Variants in CAMTA1 observed in about 807,000 individuals in gnomAD.
CAMTA1 encodes the protein calmodulin binding transcription activator 1.
In CAMTA1, 27 loss-of-function variants were observed where a neutral mutation model predicts 170.9. The observed-to-expected ratio is 0.16, with a 90% confidence interval of 0.12 to 0.22. The LOEUF (loss-of-function observed/expected upper bound fraction) is 0.22. Among genes scored for constraint, CAMTA1 ranks in the 10% least tolerant of loss-of-function variants. CAMTA1 has a pLI of 1.00. For missense variants in CAMTA1, 1,619 were observed against 2,217.2 expected, an observed-to-expected ratio of 0.73 and a Z score of 5.42; for synonymous variants, 833 against 891.5, an observed-to-expected ratio of 0.93 and a Z score of 1.17.
intron 6 of CAMTA1, among the ~76,000 whole-genome samples, chr1:7,590,197 A>T (rs1210123024): frequency 6.6e-6 from 1 of 152,158 alleles, no homozygotes; most frequent in Non-Finnish European, 1.5e-5. Flanking sequence ...CCTCACAATC[A>T]AGGCAGCTCT....
intron 6 of CAMTA1, among the ~76,000 whole-genome samples, chr1:7,540,917 G>T (rs2094602864): frequency 6.6e-6 from 1 of 152,230 alleles, no homozygotes; most frequent in African/African-American, 2.4e-5. Flanking sequence ...CCAACAGGAG[G>T]AGGGAAGAGG....
At chr1:7,016,445 A>T (rs1048840418) in intron 3 of CAMTA1, among the ~76,000 whole-genome samples, 1 of 152,234 alleles carries the variant, frequency 6.6e-6, no homozygotes, top group Non-Finnish European at 1.5e-5. Flanking sequence ...ATGGACCACA[A>T]TGGGTAACAG....
intron 3 of CAMTA1, among the ~76,000 whole-genome samples, chr1:6,859,782 G>A (rs1293593848): frequency 1.3e-5 from 2 of 152,032 alleles, no homozygotes; most frequent in African/African-American, 2.4e-5. Context: ...GAGTAAGTCC[G>A]TGTCTCAAAA....
rs2095247295 is a variant in CAMTA1 at position 7,580,201 on chromosome 1, T to C, written c.511-60199T>C. ...GGGAAGAGCTCCTGGCCAAGGTCTT[T>C]GTGTTCAGACCAGAAGAGGAAGGAG... is the stretch of plus-strand genomic sequence containing the variant. On this transcript the variant is annotated intron_variant, in intron 6 of 22. Transcript: ENST00000303635. The surrounding 1 kb of genome is among the most constrained non-coding windows in gnomAD (Gnocchi z 4.3). Among the ~76,000 whole-genome samples, 1 of 152,146 alleles carries C rather than the reference T, an allele frequency of 6.6e-6. No homozygotes were observed. The highest frequency in any genetic ancestry group is 1.5e-5 in the Non-Finnish European group (1 of 68,026).
chr1:7,517,231 T>A (rs1305201704), intron 6 of CAMTA1, among the ~76,000 whole-genome samples: 2 of 152,184 alleles, frequency 1.3e-5, no homozygotes, highest in Admixed American at 6.5e-5. Flanking sequence ...TAATTACTCA[T>A]CATTAATAAC....
At position 7,407,936 on chromosome 1, in the gene CAMTA1, TG is replaced by T. The variant is rs2090418454; in HGVS notation, c.439-59892del. 1.3e-5 allele frequency among the ~76,000 whole-genome samples: 2 copies of T among 152,144 alleles called. 1 individual carries two copies. Among genetic ancestry groups the T allele is most frequent in the South Asian group, 4.1e-4 (2 of 4,830 alleles). On this transcript the variant is annotated intron_variant, in intron 5 of 22. Coordinates refer to ENST00000303635, the MANE Select transcript of CAMTA1 (RefSeq NM_015215.4). ...TCAACGAAGGTTCTCCCAAGCCCAC[TG>T]GAGAGGACTTGTTTGCTTCTTAGAG...
chr1:7,034,746 G>A lies in CAMTA1; in HGVS notation c.235-56558G>A, dbSNP rs141540882. Among the ~76,000 whole-genome samples the A allele has an allele frequency of 3.8e-3, 586 of 152,234 alleles. 10 individuals are homozygous for A. Among genetic ancestry groups the A allele is most frequent in the African/African-American group, 0.013 (526 of 41,524 alleles). ...GGGCAGTCCCGGGGCTGACCTCGCC[G>A]TTCTTCACTCCCAGATGTCTGATAT... On this transcript the variant is annotated intron_variant, in intron 3 of 22. Coordinates refer to ENST00000303635, the MANE Select transcript of CAMTA1 (RefSeq NM_015215.4).
intron 4 of CAMTA1, among the ~76,000 whole-genome samples, chr1:7,222,912 C>G (rs534547478): frequency 1.3e-5 from 2 of 152,344 alleles, no homozygotes; most frequent in South Asian, 4.1e-4. Context: ...TGTGAGGATC[C>G]GGGGTGATGC....
At chr1:7,158,714 G>T (rs1374505305) in intron 4 of CAMTA1, among the ~76,000 whole-genome samples, 1 of 152,090 alleles carries the variant, frequency 6.6e-6, no homozygotes, top group Admixed American at 6.5e-5. Context: ...TGGAAACAAG[G>T]GTTTCCTCTG....
At chr1:6,950,661 A>G (rs1688322234) in intron 3 of CAMTA1, among the ~76,000 whole-genome samples, 1 of 152,130 alleles carries the variant, frequency 6.6e-6, no homozygotes, top group African/African-American at 2.4e-5. Context: ...TCCCAGCCAG[A>G]AGCATTGTGC....
rs74400147 is a variant in CAMTA1 at position 7,450,487 on chromosome 1, C to G, written c.439-17343C>G. ...GGAGGGGAGGGGATGGAAGGGGCCTCTGCAGCTTTCACACCTTGTAAGCAG... is the reference window on the plus strand; with the variant it reads ...GGAGGGGAGGGGATGGAAGGGGCCTGTGCAGCTTTCACACCTTGTAAGCAG... On this transcript the variant is annotated intron_variant, in intron 5 of 22. Transcript: ENST00000303635. Among the ~76,000 whole-genome samples the G allele has an allele frequency of 4.8e-3, 729 of 152,314 alleles. 18 individuals carry two copies. Among genetic ancestry groups the G allele is most frequent in the Admixed American group, 0.037 (572 of 15,306 alleles).
chr1:7,242,695 G>A (rs545386890), intron 4 of CAMTA1, among the ~76,000 whole-genome samples: 42 of 152,088 alleles, frequency 2.8e-4, no homozygotes, highest in African/African-American at 9.2e-4. Flanking sequence ...TTGGGAGGGT[G>A]AGGCAGGCAG....
intron 4 of CAMTA1, among the ~76,000 whole-genome samples, chr1:7,104,419 TG>T: frequency 6.6e-6 from 1 of 152,198 alleles, no homozygotes; most frequent in Non-Finnish European, 1.5e-5. Context: ...ACTGTTCTCT[TG>T]TAAGAAGTCT....
At chr1:7,723,103 C>T (rs1029690068) in intron 11 of CAMTA1, among the ~76,000 whole-genome samples, 18 of 151,868 alleles carry the variant, frequency 1.2e-4, no homozygotes, top group Non-Finnish European at 5.9e-5. Context: ...TAGCAATGAA[C>T]GCTCAGCACC....
intron 5 of CAMTA1, among the ~76,000 whole-genome samples, chr1:7,402,413 T>C (rs553327079): frequency 2.0e-5 from 3 of 152,302 alleles, no homozygotes; most frequent in African/African-American, 7.2e-5. Context: ...TGCATGACAT[T>C]ACCCAGCACC....
rs537678016 is a variant in CAMTA1 at position 7,696,794 on chromosome 1, G to A, written c.2914+19061G>A. On this transcript the variant is annotated intron_variant, in intron 11 of 22. Coordinates refer to ENST00000303635, the MANE Select transcript of CAMTA1 (RefSeq NM_015215.4). ...AGGGTTGGACCCTGCACAGGGAGCC[G>A]TAGAGAAGGCCGTGGCAGCCCATAC... Among the ~76,000 whole-genome samples, 21 of 152,268 alleles carry A rather than the reference G, an allele frequency of 1.4e-4. 1 individual carries two copies. Among genetic ancestry groups the A allele is most frequent in the Admixed American group, 3.9e-4 (6 of 15,298 alleles).
intron 4 of CAMTA1, among the ~76,000 whole-genome samples, chr1:7,111,271 T>G (rs1644022204): frequency 6.6e-6 from 1 of 152,346 alleles, no homozygotes; most frequent in Middle Eastern, 3.4e-3. Context: ...ACTTCCCCTT[T>G]ACCACATAAT....
At chr1:7,629,090 C>T (rs1197671337) in intron 6 of CAMTA1, among the ~76,000 whole-genome samples, 2 of 152,196 alleles carry the variant, frequency 1.3e-5, no homozygotes, top group Non-Finnish European at 2.9e-5. Flanking sequence ...TGCAGCATTG[C>T]TAATAAATCA....
chr1:6,878,374 G>T (rs556594387), intron 3 of CAMTA1, among the ~76,000 whole-genome samples: 1 of 152,336 alleles, frequency 6.6e-6, no homozygotes, highest in East Asian at 1.9e-4. Context: ...ATCACAAGAC[G>T]TGTGGTTTTG....
Sources: allele counts gnomAD v4.1 joint callset (sites outside exome capture counted in the v4.1 genomes callset), GRCh38; gene constraint gnomAD v4.1.1; non-coding constraint Gnocchi (gnomAD v3.1); transcripts MANE v1.5; gene names NCBI Gene and HGNC (gene_info 2026-07-23, HGNC 2026-07-21).